The following ST6GALNAC5 variants were observed in gnomAD, a reference collection of about 807,000 sequenced individuals.
ST6GALNAC5 encodes the protein alpha-N-acetylgalactosaminide alpha-2,6-sialyltransferase 5.
A neutral mutation model predicts 33.6 loss-of-function variants in ST6GALNAC5; 27 were observed. The ratio of observed to expected loss-of-function variants is 0.80; its 90% CI spans 0.59 to 1.11. The LOEUF is 1.11. Among genes scored for constraint, ST6GALNAC5 ranks in the 50% least tolerant of loss-of-function variants. The pLI is 0.00. For synonymous variants in ST6GALNAC5, 194 were observed against 171.2 expected (o/e 1.13, Z -1.04); for missense variants, 428 against 454.0 (o/e 0.94, Z 0.52).
intron 2 of ST6GALNAC5, among the ~76,000 whole-genome samples, chr1:76,876,073 G>A (rs1317770376): frequency 1.3e-5 from 2 of 152,222 alleles, no homozygotes; most frequent in East Asian, 3.8e-4. Flanking sequence ...GGTAGTCTTG[G>A]CAGAAGCATT....
At chr1:76,912,470 T>A (rs964741666) in intron 2 of ST6GALNAC5, among the ~76,000 whole-genome samples, 1 of 152,052 alleles carries the variant, frequency 6.6e-6, no homozygotes, top group Non-Finnish European at 1.5e-5. Flanking sequence ...GTTCAATTCC[T>A]GGGTATCCTT....
At chr1:77,034,200 T>G (rs1478164108) in intron 2 of ST6GALNAC5, among the ~76,000 whole-genome samples, 1 of 152,084 alleles carries the variant, frequency 6.6e-6, no homozygotes. Flanking sequence ...CTCTAGGGAA[T>G]GATACTTCCT....
intron 2 of ST6GALNAC5, among the ~76,000 whole-genome samples, chr1:77,027,150 C>A (rs1293431054): frequency 6.6e-6 from 1 of 152,200 alleles, no homozygotes; most frequent in East Asian, 1.9e-4. Flanking sequence ...GATCCTTTCA[C>A]GGTTCTGTAA....
chr1:76,948,413 G>A (rs567544167), intron 2 of ST6GALNAC5, among the ~76,000 whole-genome samples: 1 of 152,218 alleles, frequency 6.6e-6, no homozygotes, highest in South Asian at 2.1e-4. Context: ...TGATTCTCTA[G>A]AACCAACATC....
At chr1:77,047,421 A>G (rs999854400) in intron 3 of ST6GALNAC5, among the ~76,000 whole-genome samples, 1 of 152,208 alleles carries the variant, frequency 6.6e-6, no homozygotes, top group African/African-American at 2.4e-5. Flanking sequence ...ATGATACATA[A>G]AGTACAGAAT....
chr1:76,894,630 A>T (rs950433731), intron 2 of ST6GALNAC5, among the ~76,000 whole-genome samples: 4 of 152,228 alleles, frequency 2.6e-5, no homozygotes, highest in African/African-American at 9.6e-5. Flanking sequence ...GTCATCTTTC[A>T]GCAGTACAGC....
intron 2 of ST6GALNAC5, among the ~76,000 whole-genome samples, chr1:76,896,942 A>G (rs139322110): frequency 0.059 from 9,032 of 152,194 alleles, 576 homozygotes; most frequent in African/African-American, 0.16. Context: ...TGGCTCTTGT[A>G]TAAGAATTCT....
chr1:77,006,089 C>T, intron 2 of ST6GALNAC5, among the ~76,000 whole-genome samples: 1 of 152,060 alleles, frequency 6.6e-6, no homozygotes, highest in Non-Finnish European at 1.5e-5. Flanking sequence ...GATATGGTAA[C>T]TCTATGTTTA....
rs150330863 is a variant in ST6GALNAC5, at chr1:77,058,090, T to C, written c.780-4885T>C. On this transcript the variant is annotated intron_variant, in intron 4 of 4. Coordinates refer to ENST00000477717, the MANE Select transcript of ST6GALNAC5 (RefSeq NM_030965.3). ...ACTGTTGATCCCAGGGAAACCTGGGTGCCATTAGTACAGAAACCCCACCTG... is the reference window on the plus strand; with the variant it reads ...ACTGTTGATCCCAGGGAAACCTGGGCGCCATTAGTACAGAAACCCCACCTG... Among the ~76,000 whole-genome samples the C allele has an allele frequency of 4.4e-3, 673 of 152,220 alleles. 5 individuals are homozygous for C. Among genetic ancestry groups the C allele is most frequent in the African/African-American group, 0.016 (653 of 41,530 alleles).
At chr1:76,960,297 C>T (rs1054374834) in intron 2 of ST6GALNAC5, among the ~76,000 whole-genome samples, 1 of 151,976 alleles carries the variant, frequency 6.6e-6, no homozygotes, top group Non-Finnish European at 1.5e-5. Context: ...AGCCATAAAA[C>T]CAGCAAGTTT....
intron 2 of ST6GALNAC5, among the ~76,000 whole-genome samples, chr1:76,879,720 G>T (rs889811333): frequency 6.6e-6 from 1 of 152,200 alleles, no homozygotes; most frequent in Non-Finnish European, 1.5e-5. Context: ...CTATGGCAGT[G>T]TGGGTCAGGG....
intron 2 of ST6GALNAC5, among the ~76,000 whole-genome samples, chr1:77,023,633 C>T (rs1438998268): frequency 6.6e-6 from 1 of 152,198 alleles, no homozygotes; most frequent in African/African-American, 2.4e-5. Context: ...GAAATCTTGG[C>T]ACTGAAGGAG....
chr1:77,054,653 A>G (rs1165080685), intron 4 of ST6GALNAC5, among the ~76,000 whole-genome samples: 1 of 152,102 alleles, frequency 6.6e-6, no homozygotes, highest in Non-Finnish European at 1.5e-5. Context: ...GGGCTAAATT[A>G]TATCTTGGGG....
chr1:76,982,147 T>G (rs984313116), intron 2 of ST6GALNAC5, among the ~76,000 whole-genome samples: 3 of 152,156 alleles, frequency 2.0e-5, no homozygotes, highest in African/African-American at 7.2e-5. Flanking sequence ...GGAACAAAGC[T>G]GGATGGAGAA....
chr1:76,934,661 A>C (rs1271383602), intron 2 of ST6GALNAC5, among the ~76,000 whole-genome samples: 1 of 152,010 alleles, frequency 6.6e-6, no homozygotes, highest in East Asian at 1.9e-4. Context: ...GTTGAGAATA[A>C]GGCCTGCATG....
intron 2 of ST6GALNAC5, among the ~76,000 whole-genome samples, chr1:77,017,777 GGATTT>G (rs1290437223): frequency 1.3e-5 from 2 of 152,090 alleles, no homozygotes; most frequent in African/African-American, 4.8e-5. Flanking sequence ...TGTGAGATAG[GGATTT>G]GGTATTAAAT....
chr1:77,059,423 C>T (rs892624599), intron 4 of ST6GALNAC5, among the ~76,000 whole-genome samples: 6 of 152,112 alleles, frequency 3.9e-5, no homozygotes, highest in African/African-American at 1.4e-4. Flanking sequence ...ATGTCCTTCA[C>T]TTGGGGTTTA....
intron 2 of ST6GALNAC5, among the ~76,000 whole-genome samples, chr1:76,903,575 G>A (rs1646837734): frequency 6.6e-6 from 1 of 152,040 alleles, no homozygotes; most frequent in Non-Finnish European, 1.5e-5. Flanking sequence ...CAAAAAACTT[G>A]TACACAAAGG....
chr1:76,911,293 C>T (rs1018657453), intron 2 of ST6GALNAC5, among the ~76,000 whole-genome samples: 1 of 152,000 alleles, frequency 6.6e-6, no homozygotes, highest in Non-Finnish European at 1.5e-5. Flanking sequence ...GGGATGAAGC[C>T]CACTTGATCA....
Sources: allele counts gnomAD v4.1 joint callset (sites outside exome capture counted in the v4.1 genomes callset), GRCh38; gene constraint gnomAD v4.1.1; transcripts MANE v1.5; gene names NCBI Gene and HGNC (gene_info 2026-07-23, HGNC 2026-07-21).